NFIB: variants seen among roughly 807,000 people sequenced by gnomAD.
The protein encoded by NFIB is nuclear factor 1 B-type.
In NFIB, 11 loss-of-function variants were observed where a neutral mutation model predicts 61.5. The ratio of observed to expected loss-of-function variants is 0.18; its 90% CI spans 0.11 to 0.30. NFIB has a LOEUF of 0.30. Ranked by LOEUF, NFIB falls within the 10% of genes least tolerant of loss-of-function variation. The probability of loss-of-function intolerance (pLI) is 1.00; values close to 1 mark genes in which losing one functional copy is unlikely to be tolerated. For synonymous variants in NFIB, 260 were observed against 216.5 expected (o/e 1.20, Z -1.76); for missense variants, 471 against 608.9 (o/e 0.77, Z 2.38).
chr9:14,443,013 A>G, the NFIB span, among the ~76,000 whole-genome samples: 3 of 150,874 alleles, frequency 2.0e-5, no homozygotes, highest in East Asian at 2.0e-4. Context: ...ACAGATCTTT[A>G]AATCTAACCC....
rs565960547 is a variant in NFIB, at chr9:14,176,212, G to A, written c.616+3515C>T. Among the ~76,000 whole-genome samples the A allele has an allele frequency of 8.4e-4, 123 of 145,810 alleles. No homozygotes were observed. In the Middle Eastern group the frequency reaches 0.018, roughly 21 times the overall value. On this transcript the variant is annotated intron_variant, in intron 3 of 10. Coordinates refer to ENST00000380953, the MANE Select transcript of NFIB (RefSeq NM_001190737.2). ...CACAAGAGTTGTTTGCTATAACCAAGAGAGGACATTTTTAGTTCTATTGCT... is the reference window on the plus strand; with the variant it reads ...CACAAGAGTTGTTTGCTATAACCAAAAGAGGACATTTTTAGTTCTATTGCT...
chr9:14,490,112 T>C, the NFIB span, among the ~76,000 whole-genome samples: 4 of 152,206 alleles, frequency 2.6e-5, no homozygotes, highest in Non-Finnish European at 4.4e-5. Context: ...AAAATTATAC[T>C]AATTTACTCT....
chr9:14,319,690 C>T (rs532504398), intron 1 of NFIB, among the ~76,000 whole-genome samples: 1 of 152,138 alleles, frequency 6.6e-6, no homozygotes, highest in African/African-American at 2.4e-5. Context: ...AAGCTCTGTC[C>T]AAAATGGCTA....
At chr9:14,093,752 C>T (rs757986967) in intron 10 of NFIB, among the ~76,000 whole-genome samples, 1 of 152,000 alleles carries the variant, frequency 6.6e-6, no homozygotes, top group Non-Finnish European at 1.5e-5. Context: ...AACTGTGCTG[C>T]CCTGGGTTGT....
the NFIB span, among the ~76,000 whole-genome samples, chr9:14,502,634 C>T: frequency 6.6e-6 from 1 of 152,204 alleles, no homozygotes; most frequent in East Asian, 1.9e-4. Context: ...CCATCAGGTC[C>T]TCCACATCTT....
At chr9:14,292,113 T>G (rs1445886629) in intron 2 of NFIB, among the ~76,000 whole-genome samples, 1 of 152,234 alleles carries the variant, frequency 6.6e-6, no homozygotes, top group African/African-American at 2.4e-5. Context: ...TCTATTTTCC[T>G]TTAAAAATTG....
At chr9:14,246,420 C>T (rs1167350377) in intron 2 of NFIB, among the ~76,000 whole-genome samples, 1 of 152,116 alleles carries the variant, frequency 6.6e-6, no homozygotes, top group Non-Finnish European at 1.5e-5. Context: ...GCCCTTCACC[C>T]TGCAAAATCC....
chr9:14,411,323 G>T, the NFIB span, among the ~76,000 whole-genome samples: 6 of 152,132 alleles, frequency 3.9e-5, no homozygotes, highest in Admixed American at 1.3e-4. Context: ...ATACAAATCC[G>T]GTACATTTAT....
chr9:14,290,887 T>C (rs945020453), intron 2 of NFIB, among the ~76,000 whole-genome samples: 1 of 152,082 alleles, frequency 6.6e-6, no homozygotes, highest in Admixed American at 6.5e-5. Context: ...TATTATCTAT[T>C]TTATAGTATG....
chr9:14,127,606 A>G (rs2039841412), intron 6 of NFIB, among the ~76,000 whole-genome samples: 1 of 152,302 alleles, frequency 6.6e-6, no homozygotes, highest in African/African-American at 2.4e-5. Context: ...TCACACATAC[A>G]AAATGTACAC....
At chr9:14,296,695 C>T (rs1385287881) in intron 2 of NFIB, among the ~76,000 whole-genome samples, 1 of 152,238 alleles carries the variant, frequency 6.6e-6, no homozygotes, top group Non-Finnish European at 1.5e-5. Context: ...TGGCACTCTG[C>T]TCCTGGGCTT....
At chr9:14,349,293 T>C (rs1193464941) in intron 1 of NFIB, among the ~76,000 whole-genome samples, 4 of 152,220 alleles carry the variant, frequency 2.6e-5, no homozygotes, top group Non-Finnish European at 4.4e-5. Context: ...GCTGGAAGTC[T>C]CATTTGAGGA....
At chr9:14,465,730 G>T in the NFIB span, among the ~76,000 whole-genome samples, 53 of 152,166 alleles carry the variant, frequency 3.5e-4, no homozygotes, top group East Asian at 5.0e-3. Context: ...GGAACATGTT[G>T]GGGAGACATG....
upstream of NFIB, among the ~76,000 whole-genome samples, chr9:14,400,813 T>C (rs1327651652): frequency 3.9e-5 from 6 of 152,120 alleles, no homozygotes; most frequent in African/African-American, 7.2e-5. Context: ...GATGTACCCA[T>C]TGAAACAAGG....
At chr9:14,100,653 G>C (rs1480443389) in intron 10 of NFIB, among the ~76,000 whole-genome samples, 1 of 152,264 alleles carries the variant, frequency 6.6e-6, no homozygotes, top group Non-Finnish European at 1.5e-5. Flanking sequence ...GGCGGAGCTT[G>C]CAGTGAGCCG....
At chr9:14,392,786 C>T (rs2208919) in intron 1 of NFIB, among the ~76,000 whole-genome samples, 46,366 of 151,938 alleles carry the variant, frequency 0.31, 7,964 homozygotes, top group Non-Finnish European at 0.4. Flanking sequence ...TCTCATAACA[C>T]CAAACTTAAA....
At chr9:14,278,450 G>T (rs1316362010) in intron 2 of NFIB, among the ~76,000 whole-genome samples, 1 of 152,120 alleles carries the variant, frequency 6.6e-6, no homozygotes, top group Admixed American at 6.5e-5. Context: ...TCCAAAACTG[G>T]GCCATCCAAT....
intron 2 of NFIB, among the ~76,000 whole-genome samples, chr9:14,235,765 T>G (rs765255523): frequency 9.2e-5 from 14 of 152,290 alleles, no homozygotes; most frequent in Middle Eastern, 3.4e-3. Flanking sequence ...GGACCTGATA[T>G]GTACAAGAAA....
chr9:14,469,882 T>A, the NFIB span, among the ~76,000 whole-genome samples: 1 of 152,354 alleles, frequency 6.6e-6, no homozygotes, highest in East Asian at 1.9e-4. Context: ...TCTAGGTGAC[T>A]TTTTAATCAA....
Sources: gnomAD v4.1 joint callset for allele counts (sites outside exome capture counted in the v4.1 genomes callset) on GRCh38, gnomAD v4.1.1 for gene constraint, MANE v1.5 for transcripts, NCBI Gene and HGNC (gene_info 2026-07-23, HGNC 2026-07-21) for gene names.